Variants in RBPJ observed in about 807,000 individuals in gnomAD.
The protein encoded by RBPJ is recombination signal binding protein for immunoglobulin kappa J region.
In RBPJ, 9 loss-of-function variants were observed where a neutral mutation model predicts 67.8. The observed-to-expected ratio is 0.13, with a 90% CI of 0.08 to 0.23. The LOEUF (loss-of-function observed/expected upper bound fraction) is 0.23. Ranked by LOEUF, RBPJ falls within the 10% of genes least tolerant of loss-of-function variation. The pLI is 1.00. For synonymous variants in RBPJ, 198 were observed against 203.3 expected (o/e 0.97, Z 0.22); for missense variants, 305 against 595.6 (o/e 0.51, Z 5.08).
the RBPJ span, among the ~76,000 whole-genome samples, chr4:26,133,209 G>A: frequency 6.6e-6 from 1 of 152,330 alleles, no homozygotes; most frequent in Non-Finnish European, 1.5e-5. Flanking sequence ...TTTCACGTAT[G>A]TCTGCTCATT....
intron 3 of RBPJ, among the ~76,000 whole-genome samples, chr4:26,412,304 C>T (rs1019877308): frequency 6.6e-6 from 1 of 152,072 alleles, no homozygotes; most frequent in African/African-American, 2.4e-5. Context: ...ACTATCTTGG[C>T]TCGCTGCAAC....
At chr4:26,167,431 C>T (rs1224976319) in intron 1 of RBPJ, among the ~76,000 whole-genome samples, 1 of 147,944 alleles carries the variant, frequency 6.8e-6, no homozygotes, top group Non-Finnish European at 1.5e-5. Context: ...AGGTCCTTCA[C>T]GTCCCTTGTA....
chr4:26,327,223 C>T (rs574323017), intron 1 of RBPJ, among the ~76,000 whole-genome samples: 4 of 152,136 alleles, frequency 2.6e-5, no homozygotes, highest in East Asian at 3.9e-4. Flanking sequence ...AATGTATTTC[C>T]GAACATGTCA....
At chr4:26,197,319 G>T (rs562234313) in intron 1 of RBPJ, among the ~76,000 whole-genome samples, 2 of 152,210 alleles carry the variant, frequency 1.3e-5, no homozygotes, top group South Asian at 4.2e-4. Flanking sequence ...TGTAAAATGG[G>T]GATAATAACA....
intron 1 of RBPJ, among the ~76,000 whole-genome samples, chr4:26,202,604 T>A (rs191762157): frequency 6.3e-4 from 96 of 152,106 alleles, no homozygotes; most frequent in African/African-American, 2.3e-3. Context: ...TGGTTGTCTC[T>A]TTTTAGAAAT....
At chr4:26,153,340 AG>A in the RBPJ span, among the ~76,000 whole-genome samples, 2 of 152,368 alleles carry the variant, frequency 1.3e-5, no homozygotes, top group Admixed American at 1.3e-4. Context: ...TAGAGTGTTC[AG>A]GGTAACCAAG....
the RBPJ span, among the ~76,000 whole-genome samples, chr4:26,157,112 C>CAAACAAAAAAAAAAAAAAAAAA: frequency 2.6e-5 from 3 of 113,250 alleles, no homozygotes; most frequent in Admixed American, 8.9e-5. Flanking sequence ...AACAAACAAA[C>CAAACAAAAAAAAAAAAAAAAAA]AAACAAAAAA....
chr4:26,329,966 C>G (rs183546713), intron 1 of RBPJ, among the ~76,000 whole-genome samples: 6 of 152,006 alleles, frequency 3.9e-5, no homozygotes, highest in African/African-American at 1.4e-4. Flanking sequence ...TTCTCCTTAC[C>G]CCTTTTCTGA....
chr4:26,153,397 C>A, the RBPJ span, among the ~76,000 whole-genome samples: 2 of 152,170 alleles, frequency 1.3e-5, no homozygotes, highest in African/African-American at 2.4e-5. Context: ...TGTGAAACAA[C>A]AGCAAGAGAT....
At chr4:26,144,715 C>T in the RBPJ span, among the ~76,000 whole-genome samples, 1 of 152,308 alleles carries the variant, frequency 6.6e-6, no homozygotes, top group South Asian at 2.1e-4. Flanking sequence ...AAATTTGGAC[C>T]TCAAGATTTG....
chr4:26,364,122 A>G (rs181429536), intron 1 of RBPJ, among the ~76,000 whole-genome samples: 1 of 152,330 alleles, frequency 6.6e-6, no homozygotes, highest in Admixed American at 6.5e-5. Context: ...GTTTAAATAA[A>G]TCATGGGTAG....
chr4:26,225,562 T>C (rs6854833), intron 1 of RBPJ, among the ~76,000 whole-genome samples: 3 of 152,118 alleles, frequency 2.0e-5, no homozygotes, highest in Non-Finnish European at 4.4e-5. Flanking sequence ...ACCCATAGAA[T>C]ATACAACACA....
In RBPJ at chr4:26,428,873, A is replaced by T. The variant is rs778321691; in HGVS notation, c.888+13A>T. 24 of 1,587,262 alleles carry T rather than the reference A, an allele frequency of 1.5e-5. No homozygotes were observed. The highest frequency in any genetic ancestry group is 2.0e-5 in the Non-Finnish European group (23 of 1,156,930). Reference sequence around the variant, plus strand: ...AATTCAATTTCAGGTATGTTTTTAAATTACTGGTGAAATCTAAAATGTACA... The same window carrying T: ...AATTCAATTTCAGGTATGTTTTTAATTTACTGGTGAAATCTAAAATGTACA... On this transcript the variant is annotated intron_variant, in intron 8 of 10. Coordinates refer to ENST00000355476, the MANE Select transcript of RBPJ (RefSeq NM_015874.6).
At chr4:26,393,704 T>C (rs941348557) in intron 2 of RBPJ, among the ~76,000 whole-genome samples, 17 of 152,254 alleles carry the variant, frequency 1.1e-4, no homozygotes, top group East Asian at 7.7e-4. Context: ...TGTTTTTTTT[T>C]CCTCCATTTC....
chr4:26,308,051 C>T (rs945506365), intron 1 of RBPJ, among the ~76,000 whole-genome samples: 5 of 152,118 alleles, frequency 3.3e-5, no homozygotes, highest in Admixed American at 6.5e-5. Flanking sequence ...CCTGGGCAGG[C>T]GGATCATGAG....
chr4:26,399,668 T>C (rs540180657), intron 2 of RBPJ, among the ~76,000 whole-genome samples: 1 of 152,140 alleles, frequency 6.6e-6, no homozygotes, highest in South Asian at 2.1e-4. Flanking sequence ...AAAATTATTT[T>C]TGATAACAAA....
At position 26,399,764 on chromosome 4, in the gene RBPJ, C is replaced by T. The variant is rs576419663; in HGVS notation, c.60-6411C>T. The stretch of plus-strand genomic sequence containing the variant: ...GCAATGGTGCGATCTTGGCTCACTG[C>T]AACCTCCGCCTCCTGGGTTCAAGCA... On this transcript the variant is annotated intron_variant, in intron 2 of 10. Transcript: ENST00000355476. Among the ~76,000 whole-genome samples the T allele has an allele frequency of 2.6e-5, 4 of 152,206 alleles. No homozygotes were observed. In the South Asian group the frequency reaches 8.3e-4, roughly 32 times the overall value.
intron 1 of RBPJ, among the ~76,000 whole-genome samples, chr4:26,187,420 T>C (rs1717310523): frequency 6.6e-6 from 1 of 152,150 alleles, no homozygotes; most frequent in Non-Finnish European, 1.5e-5. Context: ...GAGTGAAACT[T>C]TTTTCCTCTG....
intron 1 of RBPJ, among the ~76,000 whole-genome samples, chr4:26,256,900 C>T (rs1720360661): frequency 6.6e-6 from 1 of 152,162 alleles, no homozygotes; most frequent in Admixed American, 6.5e-5. Flanking sequence ...AGAACTAAAC[C>T]TCTGGTCTCC....
Sources: gnomAD v4.1 joint callset for allele counts (sites outside exome capture counted in the v4.1 genomes callset) on GRCh38, gnomAD v4.1.1 for gene constraint, MANE v1.5 for transcripts, NCBI Gene and HGNC (gene_info 2026-07-23, HGNC 2026-07-21) for gene names.